CFAP61: variants seen among roughly 807,000 people sequenced by gnomAD.
CFAP61 encodes the protein cilia and flagella associated protein 61.
CFAP61 carries 107 observed loss-of-function variants against 135.6 expected under a neutral mutation model. That is an observed-to-expected ratio of 0.79 (90% CI 0.67 to 0.93). CFAP61 has a LOEUF of 0.93. CFAP61 is among the 40% of genes least tolerant of loss of function. The pLI is 0.00. For missense variants in CFAP61, 1,507 were observed against 1,556.2 expected (o/e 0.97, Z 0.53); for synonymous variants, 575 against 578.5 (o/e 0.99, Z 0.09).
intron 13 of CFAP61, among the ~76,000 whole-genome samples, chr20:20,185,575 G>A (rs1269952211): frequency 2.0e-5 from 3 of 152,210 alleles, no homozygotes; most frequent in Non-Finnish European, 2.9e-5. Context: ...AAAGACAGCT[G>A]GGTGGAGGGC....
intron 21 of CFAP61, among the ~76,000 whole-genome samples, chr20:20,276,218 A>G (rs936218659): frequency 6.6e-6 from 1 of 152,206 alleles, no homozygotes; most frequent in African/African-American, 2.4e-5. Context: ...CTTGCCATTT[A>G]TTTTGGCTTG....
chr20:20,246,076 C>T, intron 18 of CFAP61, 41 bp from the exon 19 acceptor site: 9 of 1,268,744 alleles, frequency 7.1e-6, no homozygotes, highest in Non-Finnish European at 1.0e-5. Context: ...TGCTAAATTG[C>T]ACTTAACTGC....
chr20:20,263,272 G>T, intron 21 of CFAP61, 142 bp downstream of exon 21: 1 of 587,716 alleles, frequency 1.7e-6, no homozygotes, highest in Non-Finnish European at 2.6e-6. Context: ...TTGTTTTCCA[G>T]ATTAATTTAC....
At chr20:20,315,412 A>T (rs1364180477) in intron 25 of CFAP61, among the ~76,000 whole-genome samples, 4 of 152,040 alleles carry the variant, frequency 2.6e-5, no homozygotes, top group South Asian at 2.1e-4. Flanking sequence ...AATTTGTTTG[A>T]GTTCATTGTA....
chr20:20,282,603 A>G (rs761016254), intron 22 of CFAP61, among the ~76,000 whole-genome samples: 7 of 152,134 alleles, frequency 4.6e-5, no homozygotes, highest in Non-Finnish European at 7.4e-5. Context: ...TATATTTTTA[A>G]TTGATTTCTA....
intron 13 of CFAP61, chr20:20,171,798 G>C: frequency 2.8e-6 from 2 of 709,694 alleles, no homozygotes; most frequent in South Asian, 3.0e-5. Context: ...TGTCTGGGAA[G>C]GAGTTCATAG....
At chr20:20,084,998 G>A (rs192493511) in intron 6 of CFAP61, 35 of 469,058 alleles carry the variant, frequency 7.5e-5, no homozygotes, top group African/African-American at 3.2e-4. Context: ...AATTGATGAC[G>A]TTAACAAGCA....
At chr20:20,298,853 G>A (rs888732829) in intron 25 of CFAP61, among the ~76,000 whole-genome samples, 3 of 152,150 alleles carry the variant, frequency 2.0e-5, no homozygotes, top group African/African-American at 7.2e-5. Context: ...TTTGTCCAGC[G>A]TTTTGGTAAG....
chr20:20,171,797 A>G, intron 13 of CFAP61: 1 of 710,170 alleles, frequency 1.4e-6, no homozygotes. Context: ...TTGTCTGGGA[A>G]GGAGTTCATA....
At chr20:20,328,123 G>A (rs142479128) in intron 25 of CFAP61, among the ~76,000 whole-genome samples, 5 of 152,322 alleles carry the variant, frequency 3.3e-5, no homozygotes, top group African/African-American at 7.2e-5. Flanking sequence ...GAAGGCCAGC[G>A]TGGCTGTAGC....
At chr20:20,055,795 T>C (rs2044277178) in intron 1 of CFAP61, among the ~76,000 whole-genome samples, 1 of 152,222 alleles carries the variant, frequency 6.6e-6, no homozygotes, top group African/African-American at 2.4e-5. Flanking sequence ...ACATTATTAA[T>C]TTCTCCTTCA....
In CFAP61 at chr20:20,064,305, C is replaced by G. The variant is rs916381783; in HGVS notation, c.144-6549C>G. The stretch of plus-strand genomic sequence containing the variant: ...CACGGATTAAAGATTTCTTCTTACC[C>G]TAGATCTTAGCAAGCTCAGCATACA... On this transcript the variant is annotated intron_variant, in intron 2 of 26. Coordinates refer to ENST00000245957, the MANE Select transcript of CFAP61 (RefSeq NM_015585.4). Among the ~76,000 whole-genome samples the G allele has an allele frequency of 1.2e-4, 19 of 152,142 alleles. 1 individual carries two copies. Among genetic ancestry groups the G allele is most frequent in the Admixed American group, 2.0e-4 (3 of 15,274 alleles).
intron 20 of CFAP61, among the ~76,000 whole-genome samples, chr20:20,255,937 C>G (rs6046764): frequency 6.6e-6 from 1 of 151,912 alleles, no homozygotes; most frequent in Non-Finnish European, 1.5e-5. Flanking sequence ...TACAGTGCCT[C>G]CTGGATTGTG....
In CFAP61 at chr20:20,272,931, G is replaced by A. The variant is rs906869917; in HGVS notation, c.2504-4235G>A. On this transcript the variant is annotated intron_variant, in intron 21 of 26. Transcript: ENST00000245957. ...AGAAAGCCTGGTCATCCAACGTCAC[G>A]TTTACATCTAAAAGAAAACCAGGGG... 7.9e-5 allele frequency among the ~76,000 whole-genome samples: 12 copies of A among 151,872 alleles called. No homozygotes were observed. In the East Asian group the frequency reaches 1.5e-3, roughly 20 times the overall value.
intron 17 of CFAP61, among the ~76,000 whole-genome samples, chr20:20,223,073 G>C: frequency 6.6e-6 from 1 of 152,184 alleles, no homozygotes; most frequent in East Asian, 1.9e-4. Flanking sequence ...ATACACATGG[G>C]TGTGAGCTGA....
chr20:20,240,703 A>G (rs975613179), intron 18 of CFAP61, among the ~76,000 whole-genome samples: 2 of 152,126 alleles, frequency 1.3e-5, no homozygotes, highest in Non-Finnish European at 2.9e-5. Context: ...CTTGGTGACA[A>G]AACCCTGGGG....
chr20:20,196,662 T>A lies in CFAP61; in HGVS notation c.1683T>A (p.Phe561Leu). ...QREEHGHMHH[F>L]ALNPIFRHYT... ...AAGAACACGGGCACATGCATCACTT[T>A]GCCCTCAACCCCATTTTCCGGCACT... Residue 561 changes from phenylalanine to leucine, a missense_variant, in exon 16 of 27, where the codon TTT (phenylalanine) becomes TTA (leucine). Transcript: ENST00000245957. 1.9e-6 allele frequency: 3 copies of A among 1,614,178 alleles called. No homozygotes were observed. The highest frequency in any genetic ancestry group is 2.5e-6 in the Non-Finnish European group (3 of 1,180,024).
chr20:20,315,399 G>A (rs2122216410), intron 25 of CFAP61, among the ~76,000 whole-genome samples: 1 of 152,006 alleles, frequency 6.6e-6, no homozygotes, highest in South Asian at 2.1e-4. Flanking sequence ...TTTTTTTCTT[G>A]TAAATTTGTT....
intron 17 of CFAP61, among the ~76,000 whole-genome samples, chr20:20,216,749 T>C (rs946661873): frequency 1.3e-5 from 2 of 152,202 alleles, no homozygotes; most frequent in African/African-American, 2.4e-5. Context: ...TCATCAGGAA[T>C]TGATTCAAAG....
Sources: allele counts gnomAD v4.1 joint callset (sites outside exome capture counted in the v4.1 genomes callset), GRCh38; gene constraint gnomAD v4.1.1; transcripts MANE v1.5; gene names NCBI Gene and HGNC (gene_info 2026-07-23, HGNC 2026-07-21).